Variants in SLC6A13 observed in about 807,000 individuals in gnomAD.
SLC6A13 encodes the protein sodium- and chloride-dependent GABA transporter 2.
SLC6A13 carries 69 observed loss-of-function variants against 72.9 expected under a neutral mutation model. The ratio of observed to expected loss-of-function variants is 0.95; its 90% confidence interval spans 0.78 to 1.16. The LOEUF is 1.16. Among genes scored for constraint, SLC6A13 ranks in the 50% most tolerant of loss-of-function variants. The pLI, the probability that SLC6A13 is intolerant of heterozygous loss-of-function variation, is 0.00. For missense variants in SLC6A13, 735 were observed against 760.5 expected (o/e 0.97, Z 0.39); for synonymous variants, 303 against 303.0 (o/e 1.00, Z 0.00).
chr12:259,410 T>G (rs1299404277), intron 2 of SLC6A13: 1 of 1,076,190 alleles, frequency 9.3e-7, no homozygotes, highest in Non-Finnish European at 1.1e-6. Context: ...ACAGTTTGGT[T>G]ATCAACGTCA....
intron 7 of SLC6A13, among the ~76,000 whole-genome samples, chr12:230,326 A>C (rs1429149001): frequency 6.6e-6 from 1 of 152,204 alleles, no homozygotes; most frequent in Non-Finnish European, 1.5e-5. Flanking sequence ...TTCAGCCTCA[A>C]GTCCAACCCC....
intron 9 of SLC6A13, among the ~76,000 whole-genome samples, chr12:225,595 A>T (rs1326687306): frequency 6.6e-6 from 1 of 151,980 alleles, no homozygotes; most frequent in East Asian, 1.9e-4. Context: ...GGTTGCAGTG[A>T]GCCGAGATCA....
intron 3 of SLC6A13, among the ~76,000 whole-genome samples, chr12:243,154 T>C (rs945090897): frequency 2.0e-5 from 3 of 152,038 alleles, no homozygotes; most frequent in Non-Finnish European, 4.4e-5. Flanking sequence ...GGATTACCGG[T>C]GCCCACCACC....
chr12:248,335 C>T (rs557837022), intron 2 of SLC6A13, among the ~76,000 whole-genome samples: 5 of 144,278 alleles, frequency 3.5e-5, no homozygotes, highest in African/African-American at 1.3e-4. Context: ...CCCCGGGGGG[C>T]GGAGCATGCA....
rs1477429348 is a variant in SLC6A13 at position 223,655 on chromosome 12, G to T, written c.1311+337C>A. 1.5e-5 allele frequency: 5 copies of T among 340,212 alleles called. No homozygotes were observed. The East Asian group carries it at 2.8e-4, about 19-fold the overall frequency. 21.1% of individuals were successfully genotyped at this position (340,212 alleles called of 1,614,324 possible). A position where few individuals can be genotyped will look rare whatever the true frequency, so the allele number is the denominator to read the frequency against. On this transcript the variant is annotated intron_variant, in intron 11 of 14. Coordinates refer to ENST00000343164, the MANE Select transcript of SLC6A13 (RefSeq NM_016615.5). The stretch of plus-strand genomic sequence containing the variant: ...GCCCCAGGCCTCCCTTTCTCGCTTT[G>T]AAGTTTGTACATAGAACTTGGTTCA...
intron 2 of SLC6A13, among the ~76,000 whole-genome samples, chr12:247,641 T>C (rs1299182211): frequency 6.6e-6 from 1 of 152,138 alleles, no homozygotes; most frequent in Admixed American, 6.6e-5. Flanking sequence ...GATAGAAATA[T>C]GAATCTATAC....
intron 2 of SLC6A13, among the ~76,000 whole-genome samples, chr12:258,410 G>C (rs567790180): frequency 6.6e-6 from 1 of 152,076 alleles, no homozygotes; most frequent in African/African-American, 2.4e-5. Flanking sequence ...GGATGCGTTC[G>C]GCAGCTCTTA....
At chr12:231,063 C>T (rs1418519281) in intron 7 of SLC6A13, among the ~76,000 whole-genome samples, 1 of 152,224 alleles carries the variant, frequency 6.6e-6, no homozygotes, top group Non-Finnish European at 1.5e-5. Flanking sequence ...TGGATGTCCT[C>T]CTCCCATCCC....
chr12:260,120 C>T (rs1942880373), intron 1 of SLC6A13, 63 bp from the exon 2 acceptor site: 6 of 1,529,876 alleles, frequency 3.9e-6, no homozygotes. Flanking sequence ...CCTCCTCCTG[C>T]TTTTACCAAC....
chr12:233,513 GA>G (rs1941803219), intron 7 of SLC6A13, among the ~76,000 whole-genome samples: 2 of 152,282 alleles, frequency 1.3e-5, no homozygotes, highest in Admixed American at 1.3e-4. Context: ...AACTGACAGG[GA>G]AACTTAACAC....
chr12:255,910 C>T (rs545341838), intron 2 of SLC6A13, among the ~76,000 whole-genome samples: 1 of 152,170 alleles, frequency 6.6e-6, no homozygotes, highest in Non-Finnish European at 1.5e-5. Context: ...CAGCCAGACT[C>T]TTGCTTCGTT....
At position 238,016 on chromosome 12, in the gene SLC6A13, C is replaced by T; in HGVS notation, c.479-6G>A. The stretch of plus-strand genomic sequence containing the variant: ...CTGGAACTCCATACAGTGTTCTACC[C>T]ATGGGTCACGAGGAGGGAAAAAAGA... On this transcript the variant is annotated splice_polypyrimidine_tract_variant and splice_region_variant and intron_variant, in intron 4 of 14. Coordinates refer to ENST00000343164, the MANE Select transcript of SLC6A13 (RefSeq NM_016615.5). The T allele has an allele frequency of 6.2e-7, 1 of 1,612,774 alleles. No homozygotes were observed. Among genetic ancestry groups the T allele is most frequent in the Non-Finnish European group, 8.5e-7 (1 of 1,178,786 alleles).
Position 252,633 on chromosome 12 carries a change from A to C in SLC6A13, c.202+7218T>G, listed in dbSNP as rs1942592383. On this transcript the variant is annotated intron_variant, in intron 2 of 14. Transcript: ENST00000343164. ...GAAAGGTAGCAAACAATTCAGCCAA[A>C]GAAGTCCATAAATCAACCCAAGGTT... Among the ~76,000 whole-genome samples, 4 of 152,250 alleles carry C rather than the reference A, an allele frequency of 2.6e-5. No homozygotes were observed. In the South Asian group the frequency reaches 8.3e-4, roughly 32 times the overall value.
At position 254,019 on chromosome 12, in the gene SLC6A13, C is replaced by G. The variant is rs1483147610; in HGVS notation, c.202+5832G>C. On this transcript the variant is annotated intron_variant, in intron 2 of 14. Transcript: ENST00000343164. The surrounding 1 kb of genome is among the most constrained non-coding windows in gnomAD (Gnocchi z 4.4). ...TATGGACAGTCCTATGACCAGAACC[C>G]TCTCCCGCTACCTTCTTCCCACATC... Among the ~76,000 whole-genome samples the G allele has an allele frequency of 6.6e-6, 1 of 152,214 alleles. No individual in the cohort carries two copies. Among genetic ancestry groups the G allele is most frequent in the Non-Finnish European group, 1.5e-5 (1 of 68,030 alleles).
intron 4 of SLC6A13, among the ~76,000 whole-genome samples, chr12:241,258 G>A (rs749449045): frequency 2.0e-5 from 3 of 152,154 alleles, no homozygotes; most frequent in African/African-American, 4.8e-5. Flanking sequence ...AGCCAAGATC[G>A]CGCCACTGCA....
intron 2 of SLC6A13, 46 bp from the exon 3 acceptor site, chr12:243,859 C>A: frequency 6.3e-7 from 1 of 1,591,332 alleles, no homozygotes; most frequent in South Asian, 1.2e-5. Flanking sequence ...CTATTCTCCT[C>A]ATGGTCTGCA....
chr12:228,653 G>A (rs749400661), intron 7 of SLC6A13, among the ~76,000 whole-genome samples: 2 of 152,172 alleles, frequency 1.3e-5, no homozygotes, highest in East Asian at 3.9e-4. Context: ...CCTGGTCTTT[G>A]CCTGCCTCCC....
chr12:234,841 GC>G, intron 7 of SLC6A13, among the ~76,000 whole-genome samples: 1 of 152,270 alleles, frequency 6.6e-6, no homozygotes, highest in South Asian at 2.1e-4. Context: ...TAATAAGCTT[GC>G]TTTTGCTTTA....
At chr12:235,270 C>A (rs756265393) in intron 6 of SLC6A13, 46 bp from the exon 7 acceptor site, 14 of 1,610,426 alleles carry the variant, frequency 8.7e-6, no homozygotes, top group South Asian at 7.7e-5. Context: ...AGTGAGGAAG[C>A]AGCAGGGGCA....
Sources: gnomAD v4.1 joint callset for allele counts (sites outside exome capture counted in the v4.1 genomes callset) on GRCh38, gnomAD v4.1.1 for gene constraint, Gnocchi (gnomAD v3.1) non-coding constraint, MANE v1.5 for transcripts, NCBI Gene and HGNC (gene_info 2026-07-23, HGNC 2026-07-21) for gene names.